EIF4E3: variants seen among roughly 807,000 people sequenced by gnomAD.
EIF4E3 encodes eukaryotic translation initiation factor 4E type 3.
Under a neutral mutation model 31.7 loss-of-function variants are expected in EIF4E3, and 26 were observed. The ratio of observed to expected loss-of-function variants is 0.82; its 90% CI spans 0.60 to 1.14. EIF4E3 has a LOEUF of 1.14. Among genes scored for constraint, EIF4E3 ranks in the 50% most tolerant of loss-of-function variants. EIF4E3 has a pLI of 0.00. For missense variants in EIF4E3, 304 were observed against 270.9 expected (o/e 1.12, Z -0.86); for synonymous variants, 128 against 107.7 (o/e 1.19, Z -1.17).
At chr3:71,669,618 C>T in the EIF4E3 span, among the ~76,000 whole-genome samples, 1 of 151,696 alleles carries the variant, frequency 6.6e-6, no homozygotes, top group African/African-American at 2.4e-5. Flanking sequence ...GTCACTGATG[C>T]ATTTTTATGG....
At chr3:71,751,877 T>C (rs983674129) in intron 1 of EIF4E3, among the ~76,000 whole-genome samples, 2 of 152,216 alleles carry the variant, frequency 1.3e-5, no homozygotes, top group South Asian at 2.1e-4. Context: ...AATAAATCAA[T>C]GTCAGCAACT....
At chr3:71,710,622 T>C in intron 1 of EIF4E3, 138 bp from the exon 2 acceptor site, 2 of 759,016 alleles carry the variant, frequency 2.6e-6, no homozygotes, top group South Asian at 1.9e-5. Context: ...GGGATGCTAG[T>C]TGGAATTTAA....
chr3:71,671,273 G>T (rs1304020330), downstream of EIF4E3, among the ~76,000 whole-genome samples: 1 of 152,080 alleles, frequency 6.6e-6, no homozygotes, highest in Non-Finnish European at 1.5e-5. Flanking sequence ...GGAGGAGGGG[G>T]CCTTGGCTCA....
chr3:71,670,657 C>T (rs2048842894), downstream of EIF4E3, among the ~76,000 whole-genome samples: 1 of 152,174 alleles, frequency 6.6e-6, no homozygotes, highest in Admixed American at 6.5e-5. Flanking sequence ...CTGGATTCTA[C>T]TGTAGAATGG....
chr3:71,754,001 G>A, upstream of EIF4E3: 3 of 1,077,336 alleles, frequency 2.8e-6, no homozygotes, highest in Non-Finnish European at 3.4e-6. This position sits in a 1 kb window ranked among gnomAD's most constrained non-coding sequence, Gnocchi z 5.8. Flanking sequence ...CGGGAGCGGC[G>A]AGGCAGGGGA....
chr3:71,725,706 CCG>C (rs2049629576), upstream of EIF4E3, among the ~76,000 whole-genome samples: 4 of 151,952 alleles, frequency 2.6e-5, no homozygotes, highest in African/African-American at 9.7e-5. The surrounding 1 kb of genome is among the most constrained non-coding windows in gnomAD (Gnocchi z 6.1). Context: ...GTGAGAGGGA[CCG>C]GGGAACGGTC....
At chr3:71,670,007 C>A in the EIF4E3 span, among the ~76,000 whole-genome samples, 1 of 152,334 alleles carries the variant, frequency 6.6e-6, no homozygotes, top group South Asian at 2.1e-4. Context: ...GGATTTAAAA[C>A]CACAAACCTT....
At chr3:71,727,037 C>T (rs1205868954), upstream of EIF4E3, among the ~76,000 whole-genome samples, 1 of 152,120 alleles carries the variant, frequency 6.6e-6, no homozygotes, top group Non-Finnish European at 1.5e-5. Flanking sequence ...ATTAAGATAA[C>T]CCCAAGGTCA....
At chr3:71,661,757 C>G in the EIF4E3 span, among the ~76,000 whole-genome samples, 2 of 152,192 alleles carry the variant, frequency 1.3e-5, no homozygotes, top group African/African-American at 4.8e-5. Flanking sequence ...TAAGTCCTAT[C>G]ACTTTCAACA....
Position 71,714,272 on chromosome 3 carries a change from A to AGG in EIF4E3, c.177-3789_177-3788insCC, listed in dbSNP as rs1342897201. 9.1e-3 allele frequency among the ~76,000 whole-genome samples: 1,077 copies of AGG among 118,842 alleles called. 4 individuals carry two copies. The highest frequency in any genetic ancestry group is 0.02 in the South Asian group (77 of 3,760). 78.0% of individuals were successfully genotyped at this position (118,842 alleles called of 152,430 possible). A position where few individuals can be genotyped will look rare whatever the true frequency, so the allele number is the denominator to read the frequency against. On this transcript the variant is annotated intron_variant, in intron 1 of 6. Coordinates refer to ENST00000425534, the MANE Select transcript of EIF4E3 (RefSeq NM_001134651.2). ...AAGGAAGGAAGGAAGGAAGGAAGGAAAGAAGGAAGGAAGGAAGGAAGGAAG... is the reference window on the plus strand; with the variant it reads ...AAGGAAGGAAGGAAGGAAGGAAGGAAGGAGAAGGAAGGAAGGAAGGAAGGAAG...
In EIF4E3 at chr3:71,675,562, C is replaced by G. The variant is rs545140808; in HGVS notation, c.*9120G>C. Reference sequence around the variant, plus strand: ...GGTTAGAAAACATGCATTTTTTCCACATAATATATGGAATGAAGAAAAGAT... The same window carrying G: ...GGTTAGAAAACATGCATTTTTTCCAGATAATATATGGAATGAAGAAAAGAT... On this transcript the variant is annotated 3_prime_UTR_variant, in exon 7 of 7. Coordinates refer to ENST00000425534, the MANE Select transcript of EIF4E3 (RefSeq NM_001134651.2). The G allele has an allele frequency of 1.3e-5, 2 of 152,182 alleles. No individual in the cohort carries two copies. The highest frequency in any genetic ancestry group is 2.9e-5 in the Non-Finnish European group (2 of 68,026). The allele number at this position is 152,182 out of a possible 1,614,324, so 9.4% of individuals were successfully genotyped here.
At chr3:71,691,470 A>G (rs1174566941) in intron 5 of EIF4E3, among the ~76,000 whole-genome samples, 2 of 152,078 alleles carry the variant, frequency 1.3e-5, no homozygotes, top group Non-Finnish European at 2.9e-5. Flanking sequence ...GTATGACTTG[A>G]CACTAAAAAT....
intron 6 of EIF4E3, among the ~76,000 whole-genome samples, chr3:71,689,124 G>C (rs924215294): frequency 2.0e-5 from 3 of 152,172 alleles, no homozygotes; most frequent in African/African-American, 7.2e-5. Context: ...CCAATAATGT[G>C]TTACAGTTTA....
chr3:71,676,157 T>C lies in EIF4E3; in HGVS notation c.*8525A>G, dbSNP rs1398597970. On this transcript the variant is annotated 3_prime_UTR_variant, in exon 7 of 7. Coordinates refer to ENST00000425534, the MANE Select transcript of EIF4E3 (RefSeq NM_001134651.2). ...TTACGGGGGTATCAATTGCTTATAG[T>C]GTGTCATTTTGCACTCATCATTTAA... The C allele has an allele frequency of 6.6e-6, 1 of 152,222 alleles. No homozygotes were observed. The highest frequency in any genetic ancestry group is 6.5e-5 in the Admixed American group (1 of 15,282). The allele number at this position is 152,222 out of a possible 1,614,324, so 9.4% of individuals were successfully genotyped here.
At chr3:71,754,389 C>T, upstream of EIF4E3, 1 of 1,346,356 alleles carries the variant, frequency 7.4e-7, no homozygotes, top group Non-Finnish European at 9.6e-7. The surrounding 1 kb of genome is among the most constrained non-coding windows in gnomAD (Gnocchi z 5.8). Context: ...CTTCCTGCTG[C>T]TGGGCGTGGG....
intron 1 of EIF4E3, among the ~76,000 whole-genome samples, chr3:71,722,148 C>T (rs13068649): frequency 0.011 from 1,676 of 152,078 alleles, 9 homozygotes; most frequent in Non-Finnish European, 0.014. Flanking sequence ...CTGGGCTGGG[C>T]AACTGGAAGG....
intron 1 of EIF4E3, among the ~76,000 whole-genome samples, chr3:71,739,425 G>T (rs2049797808): frequency 6.6e-6 from 1 of 152,194 alleles, no homozygotes; most frequent in South Asian, 2.1e-4. Context: ...GCTGGGAGTA[G>T]TTGCTCATGC....
At chr3:71,674,443 T>C (rs2048861994), downstream of EIF4E3, among the ~76,000 whole-genome samples, 1 of 152,086 alleles carries the variant, frequency 6.6e-6, no homozygotes, top group Non-Finnish European at 1.5e-5. Flanking sequence ...GCAATAATGC[T>C]CTTAGAAAAT....
At chr3:71,666,821 C>A in the EIF4E3 span, among the ~76,000 whole-genome samples, 2 of 152,074 alleles carry the variant, frequency 1.3e-5, no homozygotes, top group Admixed American at 6.5e-5. Context: ...CACCTGTAGT[C>A]CAGGCTACCC....
Sources: gnomAD v4.1 joint callset for allele counts (sites outside exome capture counted in the v4.1 genomes callset) on GRCh38, gnomAD v4.1.1 for gene constraint, Gnocchi (gnomAD v3.1) non-coding constraint, MANE v1.5 for transcripts, NCBI Gene and HGNC (gene_info 2026-07-23, HGNC 2026-07-21) for gene names.